The following CSF2RA variants were observed in gnomAD, a reference collection of about 807,000 sequenced individuals.
CSF2RA encodes the protein granulocyte-macrophage colony-stimulating factor receptor subunit alpha.
Under a neutral mutation model 51.6 loss-of-function variants are expected in CSF2RA, and 42 were observed. That is an observed-to-expected ratio of 0.81 (90% CI 0.64 to 1.05). The LOEUF is 1.05. Among genes scored for constraint, CSF2RA ranks in the 50% least tolerant of loss-of-function variants. CSF2RA has a pLI of 0.00. For missense variants in CSF2RA, 530 were observed against 501.1 expected (o/e 1.06, Z -0.55); for synonymous variants, 222 against 193.0 (o/e 1.15, Z -1.24).
At chrX:1,324,586 AAG>A in the CSF2RA span, among the ~76,000 whole-genome samples, 1 of 151,372 alleles carries the variant, frequency 6.6e-6, no homozygotes, top group South Asian at 2.1e-4. Context: ...GAAAGAAAGA[AAG>A]AGAAAGAGAG....
intron 9 of CSF2RA, among the ~76,000 whole-genome samples, chrX:1,299,194 C>T (rs1386259284): frequency 5.9e-5 from 9 of 151,942 alleles, no homozygotes; most frequent in Middle Eastern, 3.2e-3. Context: ...CTTTCCTCTA[C>T]GTGGGTTAAG....
At chrX:1,320,133 C>G in the CSF2RA span, among the ~76,000 whole-genome samples, 1 of 151,448 alleles carries the variant, frequency 6.6e-6, no homozygotes, top group Non-Finnish European at 1.5e-5. Flanking sequence ...CTGACCTCGT[C>G]ATCCACCTGC....
chrX:1,301,288 C>T (rs368216064), intron 10 of CSF2RA, among the ~76,000 whole-genome samples: 2 of 141,174 alleles, frequency 1.4e-5, no homozygotes, highest in African/African-American at 5.3e-5. Flanking sequence ...GCTGGGGTCA[C>T]GCCATTGCAC....
Position 1,300,678 on chromosome X carries a change from C to G in CSF2RA, c.946+52C>G, listed in dbSNP as rs28484864. On this transcript the variant is annotated intron_variant, in intron 10 of 12. Coordinates refer to ENST00000381529, the MANE Select transcript of CSF2RA (RefSeq NM_172245.4). ...GTTTGTGCCGTCTGCGGCCACCCTG[C>G]AGCAGGCACAGAGGTCAGGTGCTCT... 0.64 allele frequency: 1,032,991 copies of G among 1,612,380 alleles called. 333,268 individuals are homozygous for G. The highest frequency in any genetic ancestry group is 0.8 in the East Asian group (36,032 of 44,814).
intron 1 of CSF2RA, among the ~76,000 whole-genome samples, chrX:1,274,029 G>A (rs2088823821): frequency 6.6e-6 from 1 of 151,884 alleles, no homozygotes; most frequent in African/African-American, 2.4e-5. Flanking sequence ...CTCTATTTTA[G>A]GATCAGCCGA....
At chrX:1,319,122 A>G in the CSF2RA span, among the ~76,000 whole-genome samples, 1 of 146,440 alleles carries the variant, frequency 6.8e-6, no homozygotes, top group South Asian at 2.3e-4. Flanking sequence ...CAGCCTCCCT[A>G]GTAGCTGGGA....
intron 4 of CSF2RA, 35 bp from the exon 5 acceptor site, chrX:1,288,484 T>G: frequency 6.2e-7 from 1 of 1,613,676 alleles, no homozygotes; most frequent in African/African-American, 1.3e-5. Flanking sequence ...AGAAGGTTGT[T>G]TCCTAATCGG....
intron 11 of CSF2RA, among the ~76,000 whole-genome samples, chrX:1,304,875 G>C (rs1351938789): frequency 1.2e-3 from 171 of 147,864 alleles, no homozygotes; most frequent in Non-Finnish European, 9.1e-4. Context: ...ACGTTGGCCA[G>C]GCTGGTCTCT....
chrX:1,296,018 C>T (rs1294992452), intron 9 of CSF2RA, among the ~76,000 whole-genome samples: 3 of 150,780 alleles, frequency 2.0e-5, no homozygotes, highest in South Asian at 4.2e-4. Context: ...CTACTCACGA[C>T]GCCTACAGTT....
chrX:1,279,777 G>GT (rs35859383), intron 2 of CSF2RA, among the ~76,000 whole-genome samples: 12 of 149,816 alleles, frequency 8.0e-5, no homozygotes, highest in South Asian at 2.1e-4. Context: ...AGACACAACC[G>GT]TTTTTTTTTT....
the CSF2RA span, among the ~76,000 whole-genome samples, chrX:1,317,203 C>T: frequency 4.0e-5 from 6 of 150,662 alleles, no homozygotes; most frequent in South Asian, 1.3e-3. Context: ...CTGCCTCGGC[C>T]TCCCAAAGTG....
At chrX:1,306,722 G>A (rs1253866344) in intron 12 of CSF2RA, among the ~76,000 whole-genome samples, 5 of 151,660 alleles carry the variant, frequency 3.3e-5, no homozygotes, top group Non-Finnish European at 7.4e-5. Context: ...GCACAGAGAG[G>A]GGAGAGAGAC....
At chrX:1,281,789 A>C (rs2090097572) in intron 2 of CSF2RA, 2 of 150,312 alleles carry the variant, frequency 1.3e-5, no homozygotes, top group South Asian at 4.2e-4. Context: ...ATAAGTATTT[A>C]AACTTCATTC....
intron 1 of CSF2RA, among the ~76,000 whole-genome samples, chrX:1,270,661 T>C (rs2088259718): frequency 6.6e-6 from 1 of 151,928 alleles, no homozygotes; most frequent in African/African-American, 2.4e-5. Context: ...TAAACAGTAT[T>C]GATCTGTTCA....
intron 1 of CSF2RA, among the ~76,000 whole-genome samples, chrX:1,270,830 A>G (rs1344102493): frequency 2.2e-5 from 3 of 137,620 alleles, no homozygotes; most frequent in Admixed American, 7.4e-5. Flanking sequence ...ACCTGAGGTC[A>G]GGAGTTCGAG....
intron 3 of CSF2RA, 137 bp downstream of exon 3, chrX:1,282,916 C>G (rs2090207248): frequency 1.2e-6 from 1 of 814,930 alleles, no homozygotes; most frequent in Non-Finnish European, 2.2e-6. Flanking sequence ...CACCAGCCAA[C>G]CCACCAGAAG....
At chrX:1,300,425 GA>G (rs1324199257) in intron 9 of CSF2RA, 65 bp from the exon 10 acceptor site, 3 of 1,580,244 alleles carry the variant, frequency 1.9e-6, no homozygotes, top group Non-Finnish European at 8.6e-7. Context: ...ACAAAAGAAC[GA>G]AAAAAGGCAA....
chrX:1,323,773 G>T, the CSF2RA span, among the ~76,000 whole-genome samples: 1 of 151,966 alleles, frequency 6.6e-6, no homozygotes, highest in African/African-American at 2.4e-5. Flanking sequence ...CCAGCACTTT[G>T]GGAGGCAGAG....
chrX:1,314,575 C>CAAAGGAAGAGCAATGCAGACAT (rs1569514955), downstream of CSF2RA, among the ~76,000 whole-genome samples: 16 of 58,224 alleles, frequency 2.7e-4, 3 homozygotes, highest in South Asian at 1.4e-3. Context: ...CCCACTGCAC[C>CAAAGGAAGAGCAATGCAGACAT]TGCCCAACCC....
Sources: allele counts gnomAD v4.1 joint callset (sites outside exome capture counted in the v4.1 genomes callset), GRCh38; gene constraint gnomAD v4.1.1; transcripts MANE v1.5; gene names NCBI Gene and HGNC (gene_info 2026-07-23, HGNC 2026-07-21).